TIGD2: variants seen among roughly 807,000 people sequenced by gnomAD.
The protein encoded by TIGD2 is tigger transposable element-derived protein 2.
A neutral mutation model predicts 27.0 loss-of-function variants in TIGD2; 14 were observed. That is an observed-to-expected ratio of 0.52 (90% CI 0.34 to 0.81). The LOEUF (loss-of-function observed/expected upper bound fraction) is 0.81, where lower values mean the gene tolerates loss of function less well. TIGD2 is among the 30% of genes least tolerant of loss of function. TIGD2 has a pLI of 0.01. For missense variants in TIGD2, 590 were observed against 617.3 expected (o/e 0.96, Z 0.47); for synonymous variants, 201 against 209.0 (o/e 0.96, Z 0.33).
chr4:89,111,347 A>C (rs1196753486), upstream of TIGD2: 1 of 492,160 alleles, frequency 2.0e-6, no homozygotes, highest in Non-Finnish European at 2.6e-6. Flanking sequence ...CCAGGGAGGC[A>C]CTGCGGCCCC....
chr4:89,113,605 A>C lies in TIGD2; in HGVS notation c.631A>C (p.Ile211Leu), dbSNP rs1446316592. The C allele has an allele frequency of 6.2e-7, 1 of 1,613,874 alleles. No homozygotes were observed. The change falls in exon 2 of 2, where the codon ATT (isoleucine) becomes CTT (leucine). Residue 211 changes from isoleucine to leucine, a missense_variant. Physicochemically the swap from Ile to Leu is conservative, Grantham distance 5. Coordinates refer to ENST00000603357, the MANE Select transcript of TIGD2 (RefSeq NM_145715.3). ...GCRSSRERII[I>L]MCCANATGLH... Reference sequence around the variant, plus strand: ...TAGGTCAAGCAGAGAGAGAATCATCATTATGTGTTGCGCAAATGCCACAGG... The same window carrying C: ...TAGGTCAAGCAGAGAGAGAATCATCCTTATGTGTTGCGCAAATGCCACAGG...
Position 89,113,698 on chromosome 4 carries a change from C to T in TIGD2, c.724C>T (p.Leu242Phe), listed in dbSNP as rs1275951980. The stretch of plus-strand genomic sequence containing the variant: ...GCCCCGAGCATTCAAAGGCACTGAC[C>T]TTTCAAACCTTCCTGTGACATATTA... ...KKPRAFKGTD[L>F]SNLPVTYYSQ... The change falls in exon 2 of 2, where the codon CTT becomes TTT. Residue 242 changes from leucine to phenylalanine, a missense_variant. Physicochemically the swap from Leu to Phe is conservative, Grantham distance 22. Transcript: ENST00000603357. The T allele has an allele frequency of 1.9e-6, 3 of 1,614,048 alleles. No individual in the cohort carries two copies. The highest frequency in any genetic ancestry group is 3.3e-5 in the Admixed American group (2 of 60,002).
upstream of TIGD2, chr4:89,111,188 C>T: frequency 2.0e-6 from 2 of 985,618 alleles, no homozygotes; most frequent in Non-Finnish European, 2.4e-6. Flanking sequence ...GCAGCCCGCT[C>T]CCGGCACGCG....
Position 89,113,394 on chromosome 4 carries a change from T to A in TIGD2, c.420T>A (p.Gly140=). 6.2e-7 allele frequency: 1 copy of A among 1,614,172 alleles called. No homozygotes were observed. ...KQRHGIPKAA[G]KGTKLKGDET... ...GCCATGGTATTCCAAAGGCTGCTGG[T>A]AAAGGAACAAAATTAAAAGGAGATG... Residue 140 remains glycine, a synonymous_variant, in exon 2 of 2, where the codon GGT becomes GGA. Transcript: ENST00000603357.
chr4:89,114,009 A>G lies in TIGD2; in HGVS notation c.1035A>G (p.Lys345=). 1 of 1,614,130 alleles carries G rather than the reference A, an allele frequency of 6.2e-7. No homozygotes were observed. Among genetic ancestry groups the G allele is most frequent in the Non-Finnish European group, 8.5e-7 (1 of 1,180,022 alleles). ...KRYYRAGLLQ[K]YMDEGNDPKI... is the part of the protein sequence containing the mutation. The stretch of plus-strand genomic sequence containing the variant: ...ACTATCGAGCAGGACTTCTCCAGAA[A>G]TACATGGATGAAGGAAATGACCCAA... Residue 345 remains lysine (K), a synonymous_variant, in exon 2 of 2, where the codon AAA becomes AAG. Transcript: ENST00000603357.
In TIGD2 at chr4:89,113,869, A is replaced by G. The variant is rs1721161343; in HGVS notation, c.895A>G (p.Asn299Asp). 1 of 1,614,226 alleles carries G rather than the reference A, an allele frequency of 6.2e-7. No individual in the cohort carries two copies. Among genetic ancestry groups the G allele is most frequent in the Non-Finnish European group, 8.5e-7 (1 of 1,180,034 alleles). The change falls in exon 2 of 2, where the codon AAT becomes GAT. Residue 299 changes from asparagine to aspartate, a missense_variant. Asn to Asp is a conservative substitution (Grantham distance 23, BLOSUM62 1). This residue lies in a region of TIGD2 where 451 missense variants were observed against 448.0 expected (regional missense o/e 1.01). Coordinates refer to ENST00000603357, the MANE Select transcript of TIGD2 (RefSeq NM_145715.3). ...LLLDFPPARP[N>D]EEMLSSDDGR... is the part of the protein sequence containing the mutation. ...TTTAGATTTCCCCCCAGCACGTCCA[A>G]ATGAAGAAATGTTGAGTTCAGATGA...
chr4:89,111,274 C>T (rs550066323), upstream of TIGD2: 199 of 944,756 alleles, frequency 2.1e-4, no homozygotes, highest in African/African-American at 2.9e-3. Context: ...AGAGCCTCGT[C>T]GGCAGAGCCG....
Position 89,114,021 on chromosome 4 carries a change from A to G in TIGD2, c.1047A>G (p.Glu349=). The G allele has an allele frequency of 1.2e-6, 2 of 1,614,144 alleles. No homozygotes were observed. The highest frequency in any genetic ancestry group is 8.5e-7 in the Non-Finnish European group (1 of 1,180,034). The stretch of plus-strand genomic sequence containing the variant: ...GACTTCTCCAGAAATACATGGATGA[A>G]GGAAATGACCCAAAAATATTTTGGA... ...RAGLLQKYMD[E]GNDPKIFWKN... is the part of the protein sequence containing the mutation. The change falls in exon 2 of 2, where the codon GAA becomes GAG. Residue 349 remains glutamate (E), a synonymous_variant. Transcript: ENST00000603357.
rs2149217762 is a variant in TIGD2 at position 89,112,085 on chromosome 4, A to G, written c.-890A>G. On this transcript the variant is annotated 5_prime_UTR_variant, in exon 2 of 2. Transcript: ENST00000603357. Reference sequence around the variant, plus strand: ...CCTTTAGGTTTCGGAGCCTCCGAGTATCTCTACAGCCCCCACAGGAACTGC... The same window carrying G: ...CCTTTAGGTTTCGGAGCCTCCGAGTGTCTCTACAGCCCCCACAGGAACTGC... 1 of 152,300 alleles carries G rather than the reference A, an allele frequency of 6.6e-6. No homozygotes were observed. The highest frequency in any genetic ancestry group is 1.5e-5 in the Non-Finnish European group (1 of 68,022). The allele number at this position is 152,300 out of a possible 1,614,324, so 9.4% of individuals were successfully genotyped here.
Position 89,112,963 on chromosome 4 carries a change from T to G in TIGD2, c.-12T>G. 6.5e-7 allele frequency: 1 copy of G among 1,540,726 alleles called. No individual in the cohort carries two copies. Among genetic ancestry groups the G allele is most frequent in the Non-Finnish European group, 8.7e-7 (1 of 1,146,588 alleles). On this transcript the variant is annotated 5_prime_UTR_variant, in exon 2 of 2. It adds an upstream start codon to the 5' untranslated region. Transcript: ENST00000603357. Reference sequence around the variant, plus strand: ...TTGTTCTAGTAATCACCTAAAATATTAGACACTTAAAATGTTGGGGAAACG... The same window carrying G: ...TTGTTCTAGTAATCACCTAAAATATGAGACACTTAAAATGTTGGGGAAACG...
Position 89,113,929 on chromosome 4 carries a change from G to A in TIGD2, c.955G>A (p.Val319Ile), listed in dbSNP as rs772331533. ...RIIVKYLPPN[V>I]TSLIQPMSQG... ...AATTGTGAAGTATTTGCCACCAAAT[G>A]TCACAAGTCTGATTCAACCAATGAG... Residue 319 changes from valine to isoleucine, a missense_variant, in exon 2 of 2, where the codon GTC becomes ATC. By Grantham distance (29) the Val-to-Ile change is conservative (BLOSUM62 3). This residue lies in a region of TIGD2 where 451 missense variants were observed against 448.0 expected (regional missense o/e 1.01). Coordinates refer to ENST00000603357, the MANE Select transcript of TIGD2 (RefSeq NM_145715.3). 9.3e-6 allele frequency: 15 copies of A among 1,613,994 alleles called. No individual in the cohort carries two copies. The highest frequency in any genetic ancestry group is 8.3e-5 in the Admixed American group (5 of 60,000).
chr4:89,111,367 A>AGGT, upstream of TIGD2: 1 of 329,848 alleles, frequency 3.0e-6, no homozygotes, highest in Non-Finnish European at 4.3e-6. Flanking sequence ...CGAAACGGCC[A>AGGT]GGCGGTGAGT....
At position 89,114,421 on chromosome 4, in the gene TIGD2, G is replaced by T. The variant is rs750694409; in HGVS notation, c.1447G>T (p.Glu483Ter). ...EKHISHKAAL[E>*]WTENLLDYLE... Reference sequence around the variant, plus strand: ...GCATATTAGCCATAAAGCGGCACTTGAATGGACTGAAAATTTACTGGATTA... The same window carrying T: ...GCATATTAGCCATAAAGCGGCACTTTAATGGACTGAAAATTTACTGGATTA... The change falls in exon 2 of 2, where the codon GAA becomes TAA. Residue 483 changes from glutamate (E) to a stop codon, truncating the protein, a stop_gained. Coordinates refer to ENST00000603357, the MANE Select transcript of TIGD2 (RefSeq NM_145715.3). LOFTEE classifies it high-confidence loss of function. 2 of 1,614,010 alleles carry T rather than the reference G, an allele frequency of 1.2e-6. No individual in the cohort carries two copies. The highest frequency in any genetic ancestry group is 1.7e-6 in the Non-Finnish European group (2 of 1,180,030).
rs745722561 is a variant in TIGD2, at chr4:89,112,988, G to A, written c.14G>A (p.Arg5His). The A allele has an allele frequency of 1.3e-6, 2 of 1,571,382 alleles. No homozygotes were observed. The highest frequency in any genetic ancestry group is 1.7e-6 in the Non-Finnish European group (2 of 1,162,124). ...TAGACACTTAAAATGTTGGGGAAAC[G>A]TAAGCGTGTGGTGTTGACAATTAAG... MLGK[R>H]KRVVLTIKDK... The change falls in exon 2 of 2, where the codon CGT (arginine) becomes CAT (histidine). Residue 5 changes from arginine to histidine, a missense_variant. Arg to His is a conservative substitution (Grantham distance 29). Coordinates refer to ENST00000603357, the MANE Select transcript of TIGD2 (RefSeq NM_145715.3).
Position 89,113,368 on chromosome 4 carries a change from C to A in TIGD2, c.394C>A (p.Arg132Ser). ...AGGCTGGCTAACTCGATTTAAGCAGCGCCATGGTATTCCAAAGGCTGCTGG... is the reference window on the plus strand; with the variant it reads ...AGGCTGGCTAACTCGATTTAAGCAGAGCCATGGTATTCCAAAGGCTGCTGG... ...SSGWLTRFKQ[R>S]HGIPKAAGKG... The change falls in exon 2 of 2, where the codon CGC becomes AGC. Residue 132 changes from arginine to serine, a missense_variant. Arg to Ser is a moderately radical substitution (Grantham distance 110, BLOSUM62 -1). Around this residue, in one of 3 missense-constraint regions of TIGD2, gnomAD observed 47 missense variants for 79.7 expected, o/e 0.59. Coordinates refer to ENST00000603357, the MANE Select transcript of TIGD2 (RefSeq NM_145715.3). 6.2e-7 allele frequency: 1 copy of A among 1,614,074 alleles called. No individual in the cohort carries two copies. The highest frequency in any genetic ancestry group is 2.2e-5 in the East Asian group (1 of 44,888).
Position 89,112,832 on chromosome 4 carries a change from T to C in TIGD2, c.-143T>C. On this transcript the variant is annotated 5_prime_UTR_variant, in exon 2 of 2. Transcript: ENST00000603357. ...ATAGCAAGTAGATTCACGTAGACCT[T>C]GTCAGGAAATTGGTCACTATCCATC... 3.0e-6 allele frequency: 2 copies of C among 659,474 alleles called. No individual in the cohort carries two copies. Among genetic ancestry groups the C allele is most frequent in the Non-Finnish European group, 2.5e-6 (1 of 399,610 alleles). The allele number at this position is 659,474 out of a possible 1,614,324, so 40.9% of individuals were successfully genotyped here. A position where few individuals can be genotyped will look rare whatever the true frequency, so the allele number is the denominator to read the frequency against.
upstream of TIGD2, chr4:89,111,257 G>A (rs1276601015): frequency 2.1e-6 from 2 of 971,262 alleles, no homozygotes; most frequent in East Asian, 1.1e-4. Flanking sequence ...TTCCCCCTAG[G>A]GAGAAAAGAG....
At position 89,111,571 on chromosome 4, in the gene TIGD2, C is replaced by G. The variant is rs926942277; in HGVS notation, c.-1221C>G. The G allele has an allele frequency of 6.6e-6, 1 of 152,486 alleles. No homozygotes were observed. Among genetic ancestry groups the G allele is most frequent in the African/African-American group, 2.4e-5 (1 of 41,424 alleles). The allele number at this position is 152,486 out of a possible 1,614,324, so 9.4% of individuals were successfully genotyped here. ...CCGGCTCCGGCGGCGACGCTCGTCCCTCTCCGCTCGTCCCTCGCCGCTGCC... is the reference window on the plus strand; with the variant it reads ...CCGGCTCCGGCGGCGACGCTCGTCCGTCTCCGCTCGTCCCTCGCCGCTGCC... On this transcript the variant is annotated 5_prime_UTR_variant, in exon 1 of 2. Coordinates refer to ENST00000603357, the MANE Select transcript of TIGD2 (RefSeq NM_145715.3).
rs187959626 is a variant in TIGD2, at chr4:89,112,608, T to C, written c.-367T>C. ...CTTCCACCTGAGATTTAGTGGCTAT[T>C]CTGGCAAAGAACATTACCTGCAAGG... On this transcript the variant is annotated 5_prime_UTR_variant, in exon 2 of 2. Coordinates refer to ENST00000603357, the MANE Select transcript of TIGD2 (RefSeq NM_145715.3). 1 of 170,316 alleles carries C rather than the reference T, an allele frequency of 5.9e-6. No individual in the cohort carries two copies. The allele number at this position is 170,316 out of a possible 1,614,324, so 10.6% of individuals were successfully genotyped here.
Sources: allele counts gnomAD v4.1 joint callset, GRCh38; gene constraint gnomAD v4.1.1; regional missense constraint gnomAD v4.1.1; transcripts MANE v1.5; gene names NCBI Gene and HGNC (gene_info 2026-07-23, HGNC 2026-07-21).